PTPRD: variants seen among roughly 807,000 people sequenced by gnomAD.
PTPRD encodes protein tyrosine phosphatase receptor type D.
In PTPRD, 34 loss-of-function variants were observed where a neutral mutation model predicts 214.5. That is an observed-to-expected ratio of 0.16 (90% confidence interval 0.12 to 0.21). PTPRD has a LOEUF of 0.21. Ranked by LOEUF, PTPRD falls within the 10% of genes least tolerant of loss-of-function variation. The probability of loss-of-function intolerance (pLI) is 1.00; values close to 1 mark genes in which losing one functional copy is unlikely to be tolerated. For synonymous variants in PTPRD, 1,128 were observed against 845.7 expected (o/e 1.33, Z -5.79); for missense variants, 2,545 against 2,398.7 (o/e 1.06, Z -1.27).
At chr9:10,607,216 T>C (rs1247982382) in intron 2 of PTPRD, among the ~76,000 whole-genome samples, 1 of 151,860 alleles carries the variant, frequency 6.6e-6, no homozygotes, top group Non-Finnish European at 1.5e-5. Flanking sequence ...ATTTAAAATA[T>C]TTACTTATTA....
intron 9 of PTPRD, among the ~76,000 whole-genome samples, chr9:9,395,698 A>G (rs1303118069): frequency 6.6e-6 from 1 of 152,062 alleles, no homozygotes; most frequent in Non-Finnish European, 1.5e-5. Context: ...CCCTTTTCTC[A>G]GTAATCTTGA....
intron 11 of PTPRD, among the ~76,000 whole-genome samples, chr9:8,875,011 G>A (rs975647498): frequency 6.6e-6 from 1 of 152,144 alleles, no homozygotes; most frequent in Non-Finnish European, 1.5e-5. Context: ...ATAGGGCTGT[G>A]CTCATCAGTG....
At chr9:10,068,670 G>C (rs190525806) in intron 3 of PTPRD, among the ~76,000 whole-genome samples, 1 of 151,566 alleles carries the variant, frequency 6.6e-6, no homozygotes, top group East Asian at 2.0e-4. Context: ...AAGAGCTTTT[G>C]ATGTACCTTT....
At chr9:10,402,959 C>T (rs2154497982) in intron 2 of PTPRD, among the ~76,000 whole-genome samples, 1 of 151,460 alleles carries the variant, frequency 6.6e-6, no homozygotes. Context: ...TTCACCGCTT[C>T]CTCACAGCAC....
chr9:8,517,959 T>C lies in PTPRD; in HGVS notation c.1432A>G (p.Thr478Ala), dbSNP rs999374680. Residue 478 changes from threonine to alanine, a missense_variant, in exon 21 of 46, where the codon ACT becomes GCT. By Grantham distance (58) the Thr-to-Ala change is moderately conservative. Transcript: ENST00000381196. ...KHNVADSQIT[T>A]IGNLVPQKTY... is the part of the protein sequence containing the mutation. ...TTCTGGGGCACTAAGTTGCCAATAG[T>C]AGTGATTTGGCTGTCAGCTACATTG... 3 of 1,614,188 alleles carry C rather than the reference T, an allele frequency of 1.9e-6. No homozygotes were observed.
At chr9:10,238,936 A>G (rs1341300633) in intron 3 of PTPRD, among the ~76,000 whole-genome samples, 2 of 151,904 alleles carry the variant, frequency 1.3e-5, no homozygotes, top group African/African-American at 4.8e-5. Flanking sequence ...ATTTATGACA[A>G]CATGGGAATT....
At chr9:9,948,436 A>C (rs1157189746) in intron 4 of PTPRD, among the ~76,000 whole-genome samples, 2 of 152,120 alleles carry the variant, frequency 1.3e-5, no homozygotes, top group Admixed American at 6.6e-5. Context: ...GAAAAAGAAT[A>C]AGTCTTACTG....
chr9:8,879,470 T>C (rs972585738), intron 11 of PTPRD, among the ~76,000 whole-genome samples: 1 of 152,056 alleles, frequency 6.6e-6, no homozygotes, highest in African/African-American at 2.4e-5. Flanking sequence ...AGAAGCACAA[T>C]GATGAGAAAA....
rs186882381 is a variant in PTPRD, at chr9:9,136,891, T to C, written c.-143+46413A>G. Among the ~76,000 whole-genome samples, 299 of 152,252 alleles carry C rather than the reference T, an allele frequency of 2.0e-3. 1 individual carries two copies. The highest frequency in any genetic ancestry group is 6.9e-3 in the African/African-American group (286 of 41,544). On this transcript the variant is annotated intron_variant, in intron 10 of 45. Coordinates refer to ENST00000381196, the MANE Select transcript of PTPRD (RefSeq NM_002839.4). ...TATTTCCAATGGGTGAAATGCCTAT[T>C]TGGGATTGCCTTCAACTGGTAGGGG... is the stretch of plus-strand genomic sequence containing the variant.
chr9:8,628,285 T>A (rs1564821692), intron 14 of PTPRD, among the ~76,000 whole-genome samples: 1 of 151,902 alleles, frequency 6.6e-6, no homozygotes, highest in African/African-American at 2.4e-5. Context: ...TACTGCACAA[T>A]GGCAGAGATA....
At chr9:10,588,525 C>T (rs2074547334) in intron 2 of PTPRD, among the ~76,000 whole-genome samples, 1 of 151,162 alleles carries the variant, frequency 6.6e-6, no homozygotes, top group African/African-American at 2.4e-5. Context: ...AATGGCCCAG[C>T]CATGGAATCA....
chr9:9,991,948 G>A (rs528352309), intron 4 of PTPRD, among the ~76,000 whole-genome samples: 1 of 152,040 alleles, frequency 6.6e-6, no homozygotes, highest in East Asian at 1.9e-4. Flanking sequence ...AAAAAGGAGT[G>A]AAGTACTGAC....
Position 10,267,430 on chromosome 9 carries a change from G to T in PTPRD, c.-545+73533C>A, listed in dbSNP as rs1410174017. 1.3e-4 allele frequency among the ~76,000 whole-genome samples: 20 copies of T among 152,174 alleles called. No individual in the cohort carries two copies. In the East Asian group the frequency reaches 3.9e-3, roughly 29 times the overall value. ...TGTACGTTAATGTATTATTAGAGTC[G>T]TGGTTTATGAATAAAAAGATGAATT... is the stretch of plus-strand genomic sequence containing the variant. On this transcript the variant is annotated intron_variant, in intron 3 of 45. Transcript: ENST00000381196.
rs182258918 is a variant in PTPRD at position 9,288,153 on chromosome 9, T to C, written c.-202-104790A>G. ...CTTTCCTTCTATTTATTCTGTCCTA[T>C]AAAAGGAATGTTTTATAAAGATTTT... On this transcript the variant is annotated intron_variant, in intron 9 of 45. Transcript: ENST00000381196. Among the ~76,000 whole-genome samples the C allele has an allele frequency of 2.0e-4, 31 of 151,984 alleles. 1 individual carries two copies. In the East Asian group the frequency reaches 5.7e-3, roughly 28 times the overall value.
chr9:10,241,254 T>C (rs2090987860), intron 3 of PTPRD, among the ~76,000 whole-genome samples: 1 of 152,122 alleles, frequency 6.6e-6, no homozygotes, highest in South Asian at 2.1e-4. Flanking sequence ...CTAGTGGGAA[T>C]GTAAAATGGT....
chr9:8,718,299 T>C (rs1455855841), intron 12 of PTPRD, among the ~76,000 whole-genome samples: 2 of 152,202 alleles, frequency 1.3e-5, no homozygotes, highest in African/African-American at 4.8e-5. Flanking sequence ...TTTGTTAAAC[T>C]ACAAGCTCTC....
chr9:9,084,804 A>C (rs2099764631), intron 10 of PTPRD, among the ~76,000 whole-genome samples: 1 of 152,060 alleles, frequency 6.6e-6, no homozygotes, highest in Admixed American at 6.6e-5. Context: ...TGTTGTTTTG[A>C]TCTCTCATCA....
intron 39 of PTPRD, among the ~76,000 whole-genome samples, chr9:8,356,588 C>T (rs537386781): frequency 6.6e-5 from 10 of 152,278 alleles, no homozygotes; most frequent in African/African-American, 2.2e-4. Flanking sequence ...GTCCAGATCT[C>T]AGCTATTAGG....
At chr9:10,471,790 A>G (rs945610534) in intron 2 of PTPRD, among the ~76,000 whole-genome samples, 1 of 152,166 alleles carries the variant, frequency 6.6e-6, no homozygotes, top group African/African-American at 2.4e-5. Flanking sequence ...AAGAGATGTC[A>G]GAAAATATTT....
Sources: allele counts gnomAD v4.1 joint callset (sites outside exome capture counted in the v4.1 genomes callset), GRCh38; gene constraint gnomAD v4.1.1; transcripts MANE v1.5; gene names NCBI Gene and HGNC (gene_info 2026-07-23, HGNC 2026-07-21).